CACNA2D3: variants seen among roughly 807,000 people sequenced by gnomAD.
CACNA2D3 encodes the protein calcium voltage-gated channel auxiliary subunit alpha2delta 3, also known as voltage-dependent calcium channel subunit alpha-2/delta-3.
Under a neutral mutation model 160.6 loss-of-function variants are expected in CACNA2D3, and 60 were observed. The ratio of observed to expected loss-of-function variants is 0.37; its 90% confidence interval spans 0.30 to 0.46. CACNA2D3 has a LOEUF of 0.46. CACNA2D3 is among the 20% of genes least tolerant of loss of function. The pLI, the probability that CACNA2D3 is intolerant of heterozygous loss-of-function variation, is 1.00. For synonymous variants in CACNA2D3, 558 were observed against 492.9 expected, an observed-to-expected ratio of 1.13 and a Z score of -1.75; for missense variants, 1,205 against 1,365.0, an observed-to-expected ratio of 0.88 and a Z score of 1.85.
chr3:54,324,956 C>T (rs1443126221), intron 3 of CACNA2D3, among the ~76,000 whole-genome samples: 1 of 152,160 alleles, frequency 6.6e-6, no homozygotes, highest in Non-Finnish European at 1.5e-5. Context: ...TTTGACACCA[C>T]TCCCCTTTCT....
At chr3:54,523,604 T>C (rs932940708) in intron 5 of CACNA2D3, among the ~76,000 whole-genome samples, 4 of 152,150 alleles carry the variant, frequency 2.6e-5, no homozygotes, top group Admixed American at 2.0e-4. Context: ...AGAATTGGTA[T>C]TCTTTAAATG....
rs1701336594 is a variant in CACNA2D3 at position 54,936,634 on chromosome 3, A to C, written c.2450-31816A>C. On this transcript the variant is annotated intron_variant, in intron 27 of 37. Transcript: ENST00000474759. ...TCAAAAATCCCATATTGGGTTACCT[A>C]CTACATGCTCGTGCTGTGATTTTTT... 2.0e-5 allele frequency among the ~76,000 whole-genome samples: 3 copies of C among 152,134 alleles called. No homozygotes were observed. The South Asian group carries it at 6.2e-4, about 32-fold the overall frequency.
rs141474898 is a variant in CACNA2D3, at chr3:54,578,098, T to G, written c.889-3705T>G. Among the ~76,000 whole-genome samples the G allele has an allele frequency of 1.3e-3, 195 of 152,274 alleles. 1 individual carries two copies. The highest frequency in any genetic ancestry group is 4.6e-3 in the African/African-American group (190 of 41,550). ...GAGACTCTTCCCATTTCCCAGAAAT[T>G]TGCAAGAAGGACTAACCACTTGGGC... On this transcript the variant is annotated intron_variant, in intron 8 of 37. Transcript: ENST00000474759.
chr3:54,712,252 A>T (rs1700965710), intron 11 of CACNA2D3, among the ~76,000 whole-genome samples: 1 of 152,200 alleles, frequency 6.6e-6, no homozygotes, highest in Non-Finnish European at 1.5e-5. Context: ...ACTATCTGAC[A>T]GTTCTTGGAG....
chr3:54,803,149 G>A (rs1366729826), intron 13 of CACNA2D3, among the ~76,000 whole-genome samples: 1 of 152,210 alleles, frequency 6.6e-6, no homozygotes, highest in East Asian at 1.9e-4. Flanking sequence ...AAAAAGCAGA[G>A]CGCCTCTCCT....
chr3:54,167,146 T>C lies in CACNA2D3; in HGVS notation c.204+43552T>C, dbSNP rs535518103. Among the ~76,000 whole-genome samples, 134 of 152,294 alleles carry C rather than the reference T, an allele frequency of 8.8e-4. 2 individuals carry two copies. The highest frequency in any genetic ancestry group is 8.8e-3 in the Admixed American group (134 of 15,300). On this transcript the variant is annotated intron_variant, in intron 2 of 37. Coordinates refer to ENST00000474759, the MANE Select transcript of CACNA2D3 (RefSeq NM_018398.3). Reference sequence around the variant, plus strand: ...ACTTAATTCCCTCCACCTTGCATTCTTATTGAGTTATTGAGTTATTCTGTT... The same window carrying C: ...ACTTAATTCCCTCCACCTTGCATTCCTATTGAGTTATTGAGTTATTCTGTT...
intron 4 of CACNA2D3, among the ~76,000 whole-genome samples, chr3:54,481,972 C>T (rs1179783679): frequency 6.6e-6 from 1 of 152,188 alleles, no homozygotes; most frequent in Admixed American, 6.5e-5. Flanking sequence ...TATTTACGTT[C>T]CTTTGGGTTT....
intron 4 of CACNA2D3, among the ~76,000 whole-genome samples, chr3:54,437,378 A>G (rs909467986): frequency 6.6e-5 from 10 of 152,046 alleles, no homozygotes; most frequent in African/African-American, 2.4e-4. Flanking sequence ...CCTTCATTCC[A>G]TGTGTGTGTT....
chr3:54,871,208 CACACACACACACACA>C (rs1699523586), intron 17 of CACNA2D3, among the ~76,000 whole-genome samples: 1 of 115,514 alleles, frequency 8.7e-6, no homozygotes, highest in Admixed American at 1.1e-4. Context: ...CACACACACA[CACACACACACACACA>C]CCCCCCATTC....
At chr3:54,967,926 T>C (rs1702186305) in intron 27 of CACNA2D3, among the ~76,000 whole-genome samples, 1 of 152,194 alleles carries the variant, frequency 6.6e-6, no homozygotes, top group Admixed American at 6.5e-5. Flanking sequence ...GAGAAGAACC[T>C]TGAGATGTGG....
Position 54,866,469 on chromosome 3 carries a change from C to T in CACNA2D3, c.1627-5070C>T, listed in dbSNP as rs147662184. On this transcript the variant is annotated intron_variant, in intron 17 of 37. Transcript: ENST00000474759. ...GCTGGCTGTCAGCCCTCGGTCACAC[C>T]CCATGTCCAGATGGCATTAGCTTTG... Among the ~76,000 whole-genome samples the T allele has an allele frequency of 3.9e-5, 6 of 152,260 alleles. 1 individual carries two copies. The East Asian group carries it at 1.2e-3, about 29-fold the overall frequency.
At chr3:54,836,158 T>A (rs763585368) in intron 14 of CACNA2D3, among the ~76,000 whole-genome samples, 1 of 151,800 alleles carries the variant, frequency 6.6e-6, no homozygotes, top group Non-Finnish European at 1.5e-5. Context: ...CATGTGTCTG[T>A]AACCCAATTG....
At chr3:54,985,174 A>G (rs1374780950) in intron 30 of CACNA2D3, among the ~76,000 whole-genome samples, 3 of 152,192 alleles carry the variant, frequency 2.0e-5, no homozygotes, top group African/African-American at 7.2e-5. Context: ...TGGGCTCTCA[A>G]CACCGAGGGA....
intron 35 of CACNA2D3, among the ~76,000 whole-genome samples, chr3:55,045,570 C>T (rs950775973): frequency 6.6e-6 from 1 of 152,134 alleles, no homozygotes; most frequent in Non-Finnish European, 1.5e-5. Context: ...AATTCAATAT[C>T]TTTATTTAAG....
intron 2 of CACNA2D3, among the ~76,000 whole-genome samples, chr3:54,218,299 T>C (rs1701499836): frequency 6.6e-6 from 1 of 152,162 alleles, no homozygotes; most frequent in African/African-American, 2.4e-5. Flanking sequence ...CCACCTAGAC[T>C]GGCACATGCA....
chr3:54,291,309 T>C (rs1046664451), intron 2 of CACNA2D3, among the ~76,000 whole-genome samples: 1 of 152,248 alleles, frequency 6.6e-6, no homozygotes, highest in African/African-American at 2.4e-5. Flanking sequence ...GAATGATTAA[T>C]ATCCTTTTTC....
chr3:54,159,930 C>A (rs1277691939), intron 2 of CACNA2D3, among the ~76,000 whole-genome samples: 1 of 152,084 alleles, frequency 6.6e-6, no homozygotes, highest in Non-Finnish European at 1.5e-5. Flanking sequence ...CTACAAACAT[C>A]CAGAAGATAA....
At chr3:54,364,993 T>G (rs919455001) in intron 3 of CACNA2D3, among the ~76,000 whole-genome samples, 6 of 152,238 alleles carry the variant, frequency 3.9e-5, no homozygotes, top group African/African-American at 1.4e-4. Flanking sequence ...TTTTATGCTC[T>G]TTCTGTCTGA....
At chr3:54,527,977 T>A (rs914894664) in intron 5 of CACNA2D3, among the ~76,000 whole-genome samples, 3 of 152,252 alleles carry the variant, frequency 2.0e-5, no homozygotes, top group South Asian at 2.1e-4. Context: ...CTTCTTTTTT[T>A]AATAACTTTC....
Sources: allele counts gnomAD v4.1 joint callset (sites outside exome capture counted in the v4.1 genomes callset), GRCh38; gene constraint gnomAD v4.1.1; transcripts MANE v1.5; gene names NCBI Gene and HGNC (gene_info 2026-07-23, HGNC 2026-07-21).